The following GRM7 variants were observed in gnomAD, a reference collection of about 807,000 sequenced individuals.
GRM7 encodes the protein glutamate metabotropic receptor 7, also known as metabotropic glutamate receptor 7.
In GRM7, 35 loss-of-function variants were observed where a neutral mutation model predicts 84.5. That is an observed-to-expected ratio of 0.41 (90% confidence interval 0.32 to 0.55). GRM7 has a LOEUF of 0.55. Ranked by LOEUF, GRM7 falls within the 20% of genes least tolerant of loss-of-function variation. The pLI, the probability that GRM7 is intolerant of heterozygous loss-of-function variation, is 0.19. For missense variants in GRM7, 1,003 were observed against 1,194.6 expected (o/e 0.84, Z 2.36); for synonymous variants, 487 against 455.1 (o/e 1.07, Z -0.89).
At chr3:7,029,239 G>T (rs1402523495) in intron 1 of GRM7, among the ~76,000 whole-genome samples, 1 of 150,494 alleles carries the variant, frequency 6.6e-6, no homozygotes, top group African/African-American at 2.5e-5. Flanking sequence ...GGGAGGCAGA[G>T]GTTGCAGTAA....
At chr3:7,547,297 C>A (rs903434735) in intron 7 of GRM7, among the ~76,000 whole-genome samples, 13 of 150,862 alleles carry the variant, frequency 8.6e-5, no homozygotes, top group Non-Finnish European at 8.8e-5. Context: ...AGCTCCACCC[C>A]CCGGGTTCAC....
intron 1 of GRM7, among the ~76,000 whole-genome samples, chr3:6,890,102 G>A (rs371056202): frequency 2.4e-4 from 37 of 151,944 alleles, no homozygotes; most frequent in East Asian, 5.8e-4. Flanking sequence ...TTTTTATTGC[G>A]TCTATTTGAT....
chr3:7,680,032 T>C lies in GRM7; in HGVS notation c.2452-17T>C. On this transcript the variant is annotated splice_polypyrimidine_tract_variant and intron_variant, in intron 8 of 9. Transcript: ENST00000357716. ...TCATTTTATTTGTAATAGTGCCTTG[T>C]GTGTTGTGTCTCCTAGCTCTACATA... 6.2e-7 allele frequency: 1 copy of C among 1,613,256 alleles called. No homozygotes were observed.
chr3:7,340,329 G>A (rs776576888), intron 4 of GRM7, among the ~76,000 whole-genome samples: 21 of 152,118 alleles, frequency 1.4e-4, no homozygotes, highest in Non-Finnish European at 2.6e-4. Context: ...TCACAGTTCC[G>A]CATGGCCAGT....
intron 1 of GRM7, among the ~76,000 whole-genome samples, chr3:7,118,197 G>A (rs1252564960): frequency 6.6e-6 from 1 of 151,966 alleles, no homozygotes; most frequent in Non-Finnish European, 1.5e-5. Context: ...ACCAGCCTGG[G>A]TATCATAGTG....
chr3:7,440,183 A>G (rs564545432), intron 5 of GRM7, among the ~76,000 whole-genome samples: 3 of 152,156 alleles, frequency 2.0e-5, no homozygotes, highest in East Asian at 1.9e-4. Context: ...ATTTCTGAGA[A>G]TGTTCTAGAG....
At chr3:7,352,057 C>CACACACCACA (rs1277659188) in intron 4 of GRM7, among the ~76,000 whole-genome samples, 2 of 136,894 alleles carry the variant, frequency 1.5e-5, no homozygotes, top group Non-Finnish European at 3.1e-5. Context: ...CACACACACA[C>CACACACCACA]CACACACACA....
intron 7 of GRM7, among the ~76,000 whole-genome samples, chr3:7,514,620 T>G (rs1230634637): frequency 6.6e-6 from 1 of 152,224 alleles, no homozygotes; most frequent in Non-Finnish European, 1.5e-5. Context: ...ACAGTGAGGA[T>G]AACTGATTTC....
chr3:7,559,984 AACTT>A (rs1200197666), intron 7 of GRM7, among the ~76,000 whole-genome samples: 3 of 152,004 alleles, frequency 2.0e-5, no homozygotes, highest in Non-Finnish European at 2.9e-5. Context: ...ACCTCATTTA[AACTT>A]ACTCAGCTCC....
chr3:6,954,383 A>C lies in GRM7; in HGVS notation c.519+92476A>C, dbSNP rs188074305. Among the ~76,000 whole-genome samples, 11 of 152,306 alleles carry C rather than the reference A, an allele frequency of 7.2e-5. No individual in the cohort carries two copies. The East Asian group carries it at 1.5e-3, about 21-fold the overall frequency. On this transcript the variant is annotated intron_variant, in intron 1 of 9. Transcript: ENST00000357716. ...CCCTACTCTTCTATTAACCAGTAGA[A>C]CTTATGCTGCAATGAAAGCATAATA...
chr3:6,997,987 C>T (rs1170880565), intron 1 of GRM7, among the ~76,000 whole-genome samples: 4 of 151,346 alleles, frequency 2.6e-5, no homozygotes, highest in Non-Finnish European at 2.9e-5. Flanking sequence ...GGTGTGGTGG[C>T]CTGCACCTGT....
chr3:7,720,139 C>T (rs781593983), intron 9 of GRM7, among the ~76,000 whole-genome samples: 3 of 152,054 alleles, frequency 2.0e-5, no homozygotes, highest in Non-Finnish European at 2.9e-5. Flanking sequence ...AGGCAAGAAA[C>T]CTGAAACTTG....
In GRM7 at chr3:7,229,306, G is replaced by A. The variant is rs546208158; in HGVS notation, c.737-69378G>A. ...TTTTTGAGCATTTACCATTTAACAA[G>A]CACCAAATTATTTCCACATGTTAAT... On this transcript the variant is annotated intron_variant, in intron 2 of 9. Coordinates refer to ENST00000357716, the MANE Select transcript of GRM7 (RefSeq NM_000844.4). Among the ~76,000 whole-genome samples, 16 of 152,116 alleles carry A rather than the reference G, an allele frequency of 1.1e-4. No homozygotes were observed. In the East Asian group the frequency reaches 2.7e-3, roughly 26 times the overall value.
At chr3:7,590,927 G>A (rs1695753175) in intron 8 of GRM7, among the ~76,000 whole-genome samples, 1 of 152,146 alleles carries the variant, frequency 6.6e-6, no homozygotes, top group African/African-American at 2.4e-5. Flanking sequence ...GCCCTGCTCT[G>A]TCTCTAGTTC....
intron 7 of GRM7, among the ~76,000 whole-genome samples, chr3:7,516,891 T>C (rs542225295): frequency 2.6e-5 from 4 of 152,358 alleles, no homozygotes; most frequent in East Asian, 1.9e-4. Flanking sequence ...TGAATTATTA[T>C]AGGAATCTAA....
chr3:7,489,094 G>C (rs1198025117), intron 7 of GRM7, among the ~76,000 whole-genome samples: 1 of 151,990 alleles, frequency 6.6e-6, no homozygotes, highest in Non-Finnish European at 1.5e-5. Flanking sequence ...CTGTGAGGGA[G>C]ATACATCTAC....
At chr3:7,302,038 T>G (rs888581936) in intron 3 of GRM7, among the ~76,000 whole-genome samples, 1 of 152,130 alleles carries the variant, frequency 6.6e-6, no homozygotes, top group Non-Finnish European at 1.5e-5. Context: ...TTATTCTGAT[T>G]ATAAAAGGAA....
intron 1 of GRM7, among the ~76,000 whole-genome samples, chr3:6,965,377 A>G (rs1397262923): frequency 6.6e-6 from 1 of 151,856 alleles, no homozygotes; most frequent in Non-Finnish European, 1.5e-5. Context: ...GAGTGCAGTG[A>G]TGTGATCGTG....
rs373132831 is a variant in GRM7, at chr3:7,362,736, G to A, written c.1034-52287G>A. 2.0e-4 allele frequency among the ~76,000 whole-genome samples: 31 copies of A among 152,230 alleles called. No homozygotes were observed. The South Asian group carries it at 3.5e-3, about 17-fold the overall frequency. ...TTATACTTTCAAGTTTATGTGTGGTGTAGCGTGAAGAGGTGTTAATTCAGA... is the reference window on the plus strand; with the variant it reads ...TTATACTTTCAAGTTTATGTGTGGTATAGCGTGAAGAGGTGTTAATTCAGA... On this transcript the variant is annotated intron_variant, in intron 4 of 9. Transcript: ENST00000357716.
Sources: gnomAD v4.1 joint callset for allele counts (sites outside exome capture counted in the v4.1 genomes callset) on GRCh38, gnomAD v4.1.1 for gene constraint, MANE v1.5 for transcripts, NCBI Gene and HGNC (gene_info 2026-07-23, HGNC 2026-07-21) for gene names.